The following TTC39B variants were observed in gnomAD, a reference collection of about 807,000 sequenced individuals.
TTC39B encodes tetratricopeptide repeat domain 39B, also known as tetratricopeptide repeat protein 39B.
Under a neutral mutation model 96.6 loss-of-function variants are expected in TTC39B, and 92 were observed. The ratio of observed to expected loss-of-function variants is 0.95; its 90% CI spans 0.80 to 1.13. TTC39B has a LOEUF of 1.13. Among genes scored for constraint, TTC39B ranks in the 50% most tolerant of loss-of-function variants. TTC39B has a pLI of 0.00. For missense variants in TTC39B, 955 were observed against 809.3 expected, an observed-to-expected ratio of 1.18 and a Z score of -2.18; for synonymous variants, 367 against 299.4, an observed-to-expected ratio of 1.23 and a Z score of -2.33.
intron 16 of TTC39B, among the ~76,000 whole-genome samples, chr9:15,183,924 G>C (rs146150059): frequency 6.6e-6 from 1 of 152,174 alleles, no homozygotes; most frequent in Non-Finnish European, 1.5e-5. Context: ...CTCTGAGTTT[G>C]TGTTAGGTAG....
At chr9:15,293,811 G>A (rs1398034959) in intron 1 of TTC39B, among the ~76,000 whole-genome samples, 2 of 152,220 alleles carry the variant, frequency 1.3e-5, no homozygotes, top group Non-Finnish European at 2.9e-5. Context: ...ACCTACACTT[G>A]TGCCAATCAC....
exon 20 of TTC39B, chr9:15,171,993 G>A: frequency 6.3e-7 from 1 of 1,575,774 alleles, no homozygotes; most frequent in Non-Finnish European, 8.7e-7. Flanking sequence ...GCTAATTGAG[G>A]AAAAATTCCA....
rs149888146 is a variant in TTC39B at position 15,273,109 on chromosome 9, G to A, written c.241-5161C>T. Among the ~76,000 whole-genome samples the A allele has an allele frequency of 6.4e-3, 970 of 152,310 alleles. 4 individuals are homozygous for A. Among genetic ancestry groups the A allele is most frequent in the Non-Finnish European group, 9.2e-3 (628 of 68,028 alleles). On this transcript the variant is annotated intron_variant, in intron 1 of 19. Transcript: ENST00000512701. ...AGCAAAAATGCATGCAAGAACATTT[G>A]AGTGGAAGAGCAGGTTCTTGATGTT...
chr9:15,194,100 A>G (rs3853429), intron 8 of TTC39B, among the ~76,000 whole-genome samples: 121,109 of 152,066 alleles, frequency 0.8, 48,404 homozygotes, highest in East Asian at 0.91. Flanking sequence ...TGCTTCTGCA[A>G]AATATTAATA....
chr9:15,216,129 G>C (rs1161090912), intron 3 of TTC39B, among the ~76,000 whole-genome samples: 1 of 152,112 alleles, frequency 6.6e-6, no homozygotes, highest in African/African-American at 2.4e-5. Context: ...ATCCCATCCT[G>C]TCTCAGGGTT....
intron 7 of TTC39B, among the ~76,000 whole-genome samples, chr9:15,200,208 G>A (rs567715383): frequency 9.2e-5 from 14 of 152,100 alleles, no homozygotes; most frequent in East Asian, 3.9e-4. Context: ...GGCCATATGC[G>A]GTCCAAATTA....
intron 2 of TTC39B, among the ~76,000 whole-genome samples, chr9:15,261,178 G>C (rs894510091): frequency 6.6e-6 from 1 of 152,080 alleles, no homozygotes; most frequent in African/African-American, 2.4e-5. Flanking sequence ...TGAGAAAGAG[G>C]TTAATCAAAA....
At chr9:15,175,930 C>G (rs1337925656) in intron 18 of TTC39B, among the ~76,000 whole-genome samples, 1 of 152,222 alleles carries the variant, frequency 6.6e-6, no homozygotes, top group African/African-American at 2.4e-5. Context: ...AACAAACCCA[C>G]TCACTGGCAA....
chr9:15,199,662 G>C (rs1273660224), intron 8 of TTC39B, among the ~76,000 whole-genome samples, 199 bp downstream of exon 8: 1 of 145,148 alleles, frequency 6.9e-6, no homozygotes, highest in Non-Finnish European at 1.5e-5. Context: ...GTGAACCTGA[G>C]AGGCGGAGCT....
intron 2 of TTC39B, among the ~76,000 whole-genome samples, chr9:15,243,109 A>G (rs1486638441): frequency 1.3e-5 from 2 of 152,226 alleles, no homozygotes; most frequent in Non-Finnish European, 2.9e-5. Flanking sequence ...GTCCCCAGAC[A>G]GGGGCCATCT....
At chr9:15,218,919 T>A (rs1251338323) in intron 3 of TTC39B, among the ~76,000 whole-genome samples, 2 of 151,640 alleles carry the variant, frequency 1.3e-5, no homozygotes, top group Admixed American at 1.3e-4. Context: ...TTTCTATTAC[T>A]TTTCTGGAGG....
intron 4 of TTC39B, among the ~76,000 whole-genome samples, chr9:15,212,735 C>G (rs1820280567): frequency 6.6e-6 from 1 of 152,122 alleles, no homozygotes; most frequent in African/African-American, 2.4e-5. Flanking sequence ...GAAACATGTA[C>G]AAAAATCGGA....
intron 17 of TTC39B, 28 bp from the exon 18 acceptor site, chr9:15,177,842 C>G: frequency 8.1e-7 from 1 of 1,238,714 alleles, no homozygotes; most frequent in South Asian, 1.3e-5. Context: ...ACAAAGAAAA[C>G]ACACAAAGAA....
intron 1 of TTC39B, among the ~76,000 whole-genome samples, chr9:15,300,280 G>C (rs1189821406): frequency 6.6e-6 from 1 of 152,130 alleles, no homozygotes; most frequent in Non-Finnish European, 1.5e-5. Flanking sequence ...TTAGGGGACA[G>C]CACCCCTACC....
intron 2 of TTC39B, among the ~76,000 whole-genome samples, chr9:15,256,133 G>T (rs1297113166): frequency 6.6e-6 from 1 of 152,098 alleles, no homozygotes; most frequent in Non-Finnish European, 1.5e-5. Flanking sequence ...AATGGGATTA[G>T]TACCCTAACA....
chr9:15,269,685 C>A (rs574608937), intron 1 of TTC39B, among the ~76,000 whole-genome samples: 234 of 149,482 alleles, frequency 1.6e-3, no homozygotes, highest in Middle Eastern at 6.9e-3. Context: ...ATCCCTCTCT[C>A]TACTAAAAAA....
At chr9:15,271,027 C>A (rs538359466) in intron 1 of TTC39B, among the ~76,000 whole-genome samples, 1 of 150,818 alleles carries the variant, frequency 6.6e-6, no homozygotes, top group Non-Finnish European at 1.5e-5. Flanking sequence ...AATTACTTGC[C>A]CAACATTACA....
intron 1 of TTC39B, 35 bp from the exon 2 acceptor site, chr9:15,267,983 G>C (rs552693): frequency 0.33 from 518,799 of 1,596,058 alleles, 90,609 homozygotes; most frequent in East Asian, 0.68. Flanking sequence ...AGTTTCTCAA[G>C]AATTCTCAAT....
At chr9:15,241,614 A>T (rs1822043154) in intron 2 of TTC39B, among the ~76,000 whole-genome samples, 1 of 152,168 alleles carries the variant, frequency 6.6e-6, no homozygotes, top group Non-Finnish European at 1.5e-5. Context: ...AAAAGTTGTG[A>T]ATTATTTTAA....
Sources: allele counts gnomAD v4.1 joint callset (sites outside exome capture counted in the v4.1 genomes callset), GRCh38; gene constraint gnomAD v4.1.1; transcripts MANE v1.5; gene names NCBI Gene and HGNC (gene_info 2026-07-23, HGNC 2026-07-21).